Variants in UPP2 observed in about 807,000 individuals in gnomAD.
UPP2 encodes UPase 2.
Under a neutral mutation model 26.7 loss-of-function variants are expected in UPP2, and 23 were observed. That is an observed-to-expected ratio of 0.86 (90% CI 0.62 to 1.22). UPP2 has a LOEUF of 1.22. Ranked by LOEUF, UPP2 falls within the 50% of genes most tolerant of loss-of-function variation. The probability of loss-of-function intolerance (pLI) is 0.00; values close to 1 mark genes in which losing one functional copy is unlikely to be tolerated. For missense variants in UPP2, 387 were observed against 396.7 expected (o/e 0.98, Z 0.21); for synonymous variants, 127 against 141.3 (o/e 0.90, Z 0.72).
In UPP2 at chr2:158,071,624, T is replaced by C. The variant is rs913593265; in HGVS notation, c.148-30416T>C. On this transcript the variant is annotated intron_variant, in intron 3 of 9. Coordinates refer to the UPP2 transcript ENST00000605860. ...AAGGAGAAGAAAGCTAAGAGGAAAG[T>C]GGACTTTGGCTTGTATCTTGACTAC... is the stretch of plus-strand genomic sequence containing the variant. Among the ~76,000 whole-genome samples, 4 of 146,938 alleles carry C rather than the reference T, an allele frequency of 2.7e-5. No individual in the cohort carries two copies. In the East Asian group the frequency reaches 8.4e-4, roughly 31 times the overall value.
At chr2:158,103,248 T>A (rs760763650) in intron 1 of UPP2, among the ~76,000 whole-genome samples, 1 of 152,132 alleles carries the variant, frequency 6.6e-6, no homozygotes, top group Non-Finnish European at 1.5e-5. Flanking sequence ...TCCCCCAAAT[T>A]TTCTGACGGA....
intron 2 of UPP2, among the ~76,000 whole-genome samples, chr2:157,995,805 T>C (rs1200530212): frequency 6.6e-6 from 1 of 152,126 alleles, no homozygotes; most frequent in Non-Finnish European, 1.5e-5. Flanking sequence ...TGAGCATTAA[T>C]GGTTTTGAAA....
chr2:158,002,351 T>C (rs1222441802), intron 2 of UPP2, among the ~76,000 whole-genome samples: 1 of 152,228 alleles, frequency 6.6e-6, no homozygotes, highest in African/African-American at 2.4e-5. Context: ...GTTTTTGCTG[T>C]GGAAGATGAA....
chr2:158,120,099 T>C (rs992071224), intron 4 of UPP2, among the ~76,000 whole-genome samples: 3 of 151,976 alleles, frequency 2.0e-5, no homozygotes, highest in African/African-American at 7.2e-5. Context: ...GGGTCTCTAG[T>C]TGGATCTTCT....
At chr2:158,071,556 A>C (rs1682541460) in intron 3 of UPP2, among the ~76,000 whole-genome samples, 2 of 37,580 alleles carry the variant, frequency 5.3e-5, no homozygotes, top group Admixed American at 2.5e-4. Context: ...GTCTCAAAAA[A>C]AAAAAAAAAA....
In UPP2 at chr2:158,010,846, A is replaced by G. The variant is rs565380093; in HGVS notation, c.62-4955A>G. Among the ~76,000 whole-genome samples the G allele has an allele frequency of 7.3e-5, 11 of 150,496 alleles. No homozygotes were observed. In the East Asian group the frequency reaches 2.2e-3, roughly 30 times the overall value. On this transcript the variant is annotated intron_variant, in intron 2 of 9. Transcript: ENST00000605860. ...AGTGGCACAATCTGGGCTCACTGCA[A>G]TCTCTGCCTCCTGGGTTCAAGTGAT...
chr2:158,060,729 C>T (rs1249292068), intron 3 of UPP2, among the ~76,000 whole-genome samples: 1 of 152,006 alleles, frequency 6.6e-6, no homozygotes, highest in Non-Finnish European at 1.5e-5. Flanking sequence ...GGTAGGGCCC[C>T]ATAATGAGAT....
chr2:158,090,540 A>G (rs995392419), intron 3 of UPP2, among the ~76,000 whole-genome samples: 2 of 152,054 alleles, frequency 1.3e-5, no homozygotes, highest in African/African-American at 4.8e-5. Context: ...CAAACAAACA[A>G]ACCAAATGTA....
intron 6 of UPP2, among the ~76,000 whole-genome samples, chr2:158,132,578 A>G (rs960742139): frequency 2.0e-5 from 3 of 152,350 alleles, no homozygotes; most frequent in South Asian, 4.1e-4. Context: ...AAAAAGATAC[A>G]TGGATTGGAG....
chr2:158,131,326 A>G (rs1015054774), intron 6 of UPP2, among the ~76,000 whole-genome samples: 4 of 152,142 alleles, frequency 2.6e-5, no homozygotes, highest in African/African-American at 7.2e-5. Flanking sequence ...CCCACTGTTC[A>G]TGGGAAAACC....
At chr2:158,065,410 A>T (rs751461808) in intron 3 of UPP2, 9 of 241,500 alleles carry the variant, frequency 3.7e-5, no homozygotes, top group Non-Finnish European at 7.3e-5. Context: ...ATTGTTACTT[A>T]CAACTTCATA....
At chr2:158,041,970 T>C (rs1684087987) in intron 3 of UPP2, among the ~76,000 whole-genome samples, 1 of 152,226 alleles carries the variant, frequency 6.6e-6, no homozygotes, top group African/African-American at 2.4e-5. Flanking sequence ...AAAGCCTATC[T>C]AATCCCTGAC....
At chr2:158,120,666 G>A (rs1318864263) in intron 4 of UPP2, among the ~76,000 whole-genome samples, 1 of 151,986 alleles carries the variant, frequency 6.6e-6, no homozygotes, top group Non-Finnish European at 1.5e-5. Flanking sequence ...CAAAAGCTGG[G>A]TCAAAAATGG....
At chr2:158,058,316 AAAAAAAAAGAAG>A (rs1682288067) in intron 3 of UPP2, among the ~76,000 whole-genome samples, 1 of 14,546 alleles carries the variant, frequency 6.9e-5, no homozygotes, top group African/African-American at 5.8e-4. Flanking sequence ...AAAAAAAAAA[AAAAAAAAAGAAG>A]AAGAAGAAGA....
intron 3 of UPP2, among the ~76,000 whole-genome samples, chr2:158,073,938 A>C (rs1260698172): frequency 6.6e-6 from 1 of 152,152 alleles, no homozygotes; most frequent in Non-Finnish European, 1.5e-5. Context: ...ATTTTGGGAG[A>C]CCAGTGCGGG....
chr2:158,007,629 CTTTT>C (rs201694046), intron 2 of UPP2, among the ~76,000 whole-genome samples: 4 of 142,628 alleles, frequency 2.8e-5, no homozygotes, highest in Admixed American at 7.0e-5. Flanking sequence ...CTCTCTCTCT[CTTTT>C]TTTTTTTTTT....
At position 158,079,299 on chromosome 2, in the gene UPP2, A is replaced by T. The variant is rs548947675; in HGVS notation, c.148-22741A>T. ...ACAAAAATTAAAAATAATTTTTTTT[A>T]AAAAAAGGAAAAAGCCTACTTGTAT... On this transcript the variant is annotated intron_variant, in intron 3 of 9. Coordinates refer to the UPP2 transcript ENST00000605860. 1.7e-3 allele frequency among the ~76,000 whole-genome samples: 252 copies of T among 152,170 alleles called. 1 individual carries two copies. Among genetic ancestry groups the T allele is most frequent in the Middle Eastern group, 6.8e-3 (2 of 294 alleles).
chr2:158,119,169 T>C (rs1219949362), intron 4 of UPP2, among the ~76,000 whole-genome samples: 1 of 152,090 alleles, frequency 6.6e-6, no homozygotes, highest in African/African-American at 2.4e-5. Flanking sequence ...TCTGCCTTCA[T>C]AGCCAACATT....
At chr2:158,117,590 G>C (rs1189608471) in intron 3 of UPP2, among the ~76,000 whole-genome samples, 1 of 152,114 alleles carries the variant, frequency 6.6e-6, no homozygotes, top group East Asian at 1.9e-4. Flanking sequence ...GAGGGCTGAA[G>C]TCAACAGAAC....
Sources: allele counts gnomAD v4.1 joint callset (sites outside exome capture counted in the v4.1 genomes callset), GRCh38; gene constraint gnomAD v4.1.1; transcripts MANE v1.5; gene names NCBI Gene and HGNC (gene_info 2026-07-23, HGNC 2026-07-21).